ABTB2: variants seen among roughly 807,000 people sequenced by gnomAD.
ABTB2 encodes the protein ankyrin repeat and BTB domain containing 2.
Under a neutral mutation model 104.1 loss-of-function variants are expected in ABTB2, and 56 were observed. The ratio of observed to expected loss-of-function variants is 0.54; its 90% CI spans 0.43 to 0.67. The LOEUF is 0.67. Among genes scored for constraint, ABTB2 ranks in the 30% least tolerant of loss-of-function variants. The probability of loss-of-function intolerance (pLI) is 0.00; values close to 1 mark genes in which losing one functional copy is unlikely to be tolerated. For missense variants in ABTB2, 1,279 were observed against 1,407.7 expected (o/e 0.91, Z 1.46); for synonymous variants, 606 against 608.2 (o/e 1.00, Z 0.05).
In ABTB2 at chr11:34,163,786, G is replaced by A. The variant is rs142037802; in HGVS notation, c.1988+900C>T. Among the ~76,000 whole-genome samples the A allele has an allele frequency of 3.4e-3, 512 of 152,366 alleles. 2 individuals carry two copies. Among genetic ancestry groups the A allele is most frequent in the Middle Eastern group, 6.8e-3 (2 of 294 alleles). The stretch of plus-strand genomic sequence containing the variant: ...TTGGGCCAGGCGCTGGCATGTGAAG[G>A]TGAACTAGCCACGGTGACTGTCCCA... On this transcript the variant is annotated intron_variant, in intron 9 of 16. Transcript: ENST00000435224.
At chr11:34,286,049 C>T (rs1289350754) in intron 1 of ABTB2, among the ~76,000 whole-genome samples, 2 of 152,078 alleles carry the variant, frequency 1.3e-5, no homozygotes, top group Non-Finnish European at 2.9e-5. Context: ...ATTATAATCG[C>T]CTGTAGTCTC....
chr11:34,159,853 A>G (rs542427404), intron 13 of ABTB2, 53 bp downstream of exon 13: 1 of 1,431,384 alleles, frequency 7.0e-7, no homozygotes, highest in South Asian at 1.2e-5. Flanking sequence ...GGAATCTGAA[A>G]CAAGGTGCTT....
intron 3 of ABTB2, among the ~76,000 whole-genome samples, chr11:34,185,796 G>A (rs189318439): frequency 2.7e-4 from 41 of 152,264 alleles, no homozygotes; most frequent in Admixed American, 9.2e-4. Flanking sequence ...TGTATTATAT[G>A]TTTCAAGACA....
intron 1 of ABTB2, among the ~76,000 whole-genome samples, chr11:34,298,038 T>C (rs1393588523): frequency 6.6e-6 from 1 of 151,946 alleles, no homozygotes. Flanking sequence ...AGCTGGCACC[T>C]TGATCCTGGA....
intron 1 of ABTB2, among the ~76,000 whole-genome samples, chr11:34,259,376 C>T (rs1468610660): frequency 6.6e-6 from 1 of 152,172 alleles, no homozygotes; most frequent in Non-Finnish European, 1.5e-5. Flanking sequence ...AGGAAATGTA[C>T]CCAGCAACCC....
intron 1 of ABTB2, among the ~76,000 whole-genome samples, chr11:34,264,104 C>T (rs932599357): frequency 2.0e-5 from 3 of 152,166 alleles, no homozygotes; most frequent in Non-Finnish European, 4.4e-5. Flanking sequence ...GCTTCTCCAG[C>T]AGGAGAAAAA....
At chr11:34,347,474 G>A (rs894612113) in intron 1 of ABTB2, among the ~76,000 whole-genome samples, 15 of 151,870 alleles carry the variant, frequency 9.9e-5, no homozygotes, top group Non-Finnish European at 1.6e-4. Context: ...AAAGGAAACT[G>A]TGGGCCTCAA....
intron 1 of ABTB2, among the ~76,000 whole-genome samples, chr11:34,244,193 G>C: frequency 6.6e-6 from 1 of 151,614 alleles, no homozygotes; most frequent in Admixed American, 6.6e-5. Context: ...ACCAAGGGAG[G>C]TAATTGTTTC....
At chr11:34,198,148 G>C (rs1413681905) in intron 2 of ABTB2, among the ~76,000 whole-genome samples, 1 of 152,132 alleles carries the variant, frequency 6.6e-6, no homozygotes, top group Non-Finnish European at 1.5e-5. Flanking sequence ...CTTATGGCTG[G>C]GCACAGTGGC....
Position 34,356,219 on chromosome 11 carries a change from G to T in ABTB2, c.883+482C>A, listed in dbSNP as rs1384707650. ...GATCTTGGGCTTCCCACTTCCCTCC[G>T]CCCATCTTACTTATCCAAGGTTCAG... On this transcript the variant is annotated intron_variant, in intron 1 of 16. Transcript: ENST00000435224. The surrounding 1 kb of genome is among the most constrained non-coding windows in gnomAD (Gnocchi z 4.6). Among the ~76,000 whole-genome samples, 2 of 152,128 alleles carry T rather than the reference G, an allele frequency of 1.3e-5. No individual in the cohort carries two copies. The highest frequency in any genetic ancestry group is 4.8e-5 in the African/African-American group (2 of 41,426).
chr11:34,352,427 C>T (rs10768066), intron 1 of ABTB2, among the ~76,000 whole-genome samples: 23,964 of 152,114 alleles, frequency 0.16, 3,301 homozygotes, highest in African/African-American at 0.36. Context: ...TTAAACAACA[C>T]TCATTACCAA....
intron 3 of ABTB2, among the ~76,000 whole-genome samples, chr11:34,195,097 G>GGGGGGGGGGGA (rs1853239321): frequency 9.1e-6 from 1 of 110,436 alleles, no homozygotes; most frequent in Non-Finnish European, 2.0e-5. Flanking sequence ...GTGGGGGCGG[G>GGGGGGGGGGGA]AGAAAGTGCC....
At position 34,273,349 on chromosome 11, in the gene ABTB2, G is replaced by C. The variant is rs186838770; in HGVS notation, c.884-68659C>G. ...TTGAGAGAAAACTCCAGGCTGTCCAGGCCTGCTCTTGCAAGGCCCGGGGTC... is the reference window on the plus strand; with the variant it reads ...TTGAGAGAAAACTCCAGGCTGTCCACGCCTGCTCTTGCAAGGCCCGGGGTC... On this transcript the variant is annotated intron_variant, in intron 1 of 16. Coordinates refer to ENST00000435224, the MANE Select transcript of ABTB2 (RefSeq NM_145804.3). Among the ~76,000 whole-genome samples the C allele has an allele frequency of 2.1e-4, 32 of 152,326 alleles. No individual in the cohort carries two copies. In the East Asian group the frequency reaches 3.7e-3, roughly 17 times the overall value.
chr11:34,309,355 T>C (rs115796740), intron 1 of ABTB2, among the ~76,000 whole-genome samples: 51 of 152,322 alleles, frequency 3.3e-4, no homozygotes, highest in African/African-American at 1.2e-3. Context: ...TTAGAGTTAA[T>C]ACATCACTAA....
chr11:34,331,895 T>A lies in ABTB2; in HGVS notation c.883+24806A>T, dbSNP rs1855135084. Reference sequence around the variant, plus strand: ...ACCTCATTTATGGAGTGAGCAGAAGTTATCCTTGGAAATGTATTTCCTGGT... The same window carrying A: ...ACCTCATTTATGGAGTGAGCAGAAGATATCCTTGGAAATGTATTTCCTGGT... On this transcript the variant is annotated intron_variant, in intron 1 of 16. Coordinates refer to ENST00000435224, the MANE Select transcript of ABTB2 (RefSeq NM_145804.3). Among the ~76,000 whole-genome samples the A allele has an allele frequency of 2.0e-5, 3 of 152,232 alleles. No individual in the cohort carries two copies. In the South Asian group the frequency reaches 6.2e-4, roughly 31 times the overall value.
intron 1 of ABTB2, among the ~76,000 whole-genome samples, chr11:34,280,060 C>T (rs539789684): frequency 7.9e-5 from 12 of 152,218 alleles, no homozygotes; most frequent in African/African-American, 1.7e-4. Context: ...CGTGAGCCAC[C>T]GTGCCCAGTC....
At chr11:34,214,337 A>C (rs1853523137) in intron 1 of ABTB2, among the ~76,000 whole-genome samples, 1 of 152,090 alleles carries the variant, frequency 6.6e-6, no homozygotes, top group Non-Finnish European at 1.5e-5. Context: ...TTTATAATGA[A>C]TATGGCTTAC....
intron 1 of ABTB2, chr11:34,335,278 A>G: frequency 1.5e-6 from 2 of 1,299,412 alleles, no homozygotes; most frequent in South Asian, 2.4e-5. Context: ...CAGTTTCAAA[A>G]AGATTGTTGT....
chr11:34,229,216 C>T (rs192846923), intron 1 of ABTB2, among the ~76,000 whole-genome samples: 79 of 151,768 alleles, frequency 5.2e-4, no homozygotes, highest in South Asian at 4.8e-3. Context: ...GGTGCGGTGG[C>T]TCACGCCTGT....
Sources: gnomAD v4.1 joint callset for allele counts (sites outside exome capture counted in the v4.1 genomes callset) on GRCh38, gnomAD v4.1.1 for gene constraint, Gnocchi (gnomAD v3.1) non-coding constraint, MANE v1.5 for transcripts, NCBI Gene and HGNC (gene_info 2026-07-23, HGNC 2026-07-21) for gene names.